RALYL: variants seen among roughly 807,000 people sequenced by gnomAD.
The protein encoded by RALYL is RNA-binding Raly-like protein.
In RALYL, 29 loss-of-function variants were observed where a neutral mutation model predicts 35.1. That is an observed-to-expected ratio of 0.83 (90% CI 0.61 to 1.13). RALYL has a LOEUF of 1.13. Ranked by LOEUF, RALYL falls within the 50% of genes most tolerant of loss-of-function variation. The pLI, the probability that RALYL is intolerant of heterozygous loss-of-function variation, is 0.00. For synonymous variants in RALYL, 120 were observed against 127.6 expected, an observed-to-expected ratio of 0.94 and a Z score of 0.40; for missense variants, 359 against 360.4, an observed-to-expected ratio of 1.00 and a Z score of 0.03.
chr8:84,261,295 T>C (rs2131813878), intron 1 of RALYL, among the ~76,000 whole-genome samples: 1 of 152,130 alleles, frequency 6.6e-6, no homozygotes, highest in East Asian at 1.9e-4. Flanking sequence ...AAAAATCTCA[T>C]CTTTAATTGT....
Position 84,819,974 on chromosome 8 carries a change from A to C in RALYL, c.365+15172A>C, listed in dbSNP as rs181362533. On this transcript the variant is annotated intron_variant, in intron 4 of 8. Transcript: ENST00000521268. ...TTGGTATCATCATATATCATAGGGA[A>C]CCCTGCCCCAAAAAAATTTTGATGA... 5.3e-3 allele frequency among the ~76,000 whole-genome samples: 810 copies of C among 152,198 alleles called. 2 individuals carry two copies. The highest frequency in any genetic ancestry group is 9.9e-3 in the Non-Finnish European group (671 of 67,992).
intron 1 of RALYL, among the ~76,000 whole-genome samples, chr8:84,197,339 C>A (rs1044025471): frequency 9.2e-5 from 14 of 152,176 alleles, no homozygotes; most frequent in African/African-American, 2.7e-4. Context: ...AGACCAGTTT[C>A]TTCTGAGTCT....
chr8:84,646,754 A>G (rs1239344405), intron 2 of RALYL, among the ~76,000 whole-genome samples: 2 of 151,880 alleles, frequency 1.3e-5, no homozygotes, highest in Admixed American at 1.3e-4. Context: ...CCAACTTCAT[A>G]CATCTGACTT....
chr8:84,621,246 C>G (rs1014098696), intron 2 of RALYL, among the ~76,000 whole-genome samples: 3 of 152,130 alleles, frequency 2.0e-5, no homozygotes, highest in Non-Finnish European at 4.4e-5. Context: ...AGGGAGACTC[C>G]GTGGGCGTGG....
intron 1 of RALYL, among the ~76,000 whole-genome samples, chr8:84,515,085 G>A (rs969620792): frequency 6.6e-6 from 1 of 152,100 alleles, no homozygotes; most frequent in African/African-American, 2.4e-5. Flanking sequence ...TGCAATAATT[G>A]TGTTTTTCTG....
chr8:84,499,702 G>C (rs187298379), intron 1 of RALYL, among the ~76,000 whole-genome samples: 1 of 152,032 alleles, frequency 6.6e-6, no homozygotes, highest in Admixed American at 6.6e-5. Context: ...GGCATTTCTT[G>C]GTGGGAATGG....
chr8:84,383,265 A>C (rs1858402446), intron 1 of RALYL, among the ~76,000 whole-genome samples: 1 of 151,818 alleles, frequency 6.6e-6, no homozygotes, highest in African/African-American at 2.4e-5. Flanking sequence ...TACTACTTGA[A>C]TATCAAAGAG....
At chr8:84,258,745 A>G (rs1368009132) in intron 1 of RALYL, among the ~76,000 whole-genome samples, 2 of 152,120 alleles carry the variant, frequency 1.3e-5, no homozygotes, top group East Asian at 3.9e-4. Context: ...GGTGCATATA[A>G]TTCAACGATT....
intron 3 of RALYL, among the ~76,000 whole-genome samples, chr8:84,777,496 A>G (rs1413667486): frequency 6.6e-6 from 1 of 152,210 alleles, no homozygotes; most frequent in Non-Finnish European, 1.5e-5. Flanking sequence ...GTAACATAGT[A>G]GTTGTATAAT....
At chr8:84,487,238 CAATA>C (rs1168047061) in intron 1 of RALYL, among the ~76,000 whole-genome samples, 2 of 151,974 alleles carry the variant, frequency 1.3e-5, no homozygotes, top group African/African-American at 2.4e-5. Flanking sequence ...GAGCTTAGAT[CAATA>C]AATAATTTTT....
rs1283903500 is a variant in RALYL at position 84,352,083 on chromosome 8, G to A, written c.-24+167659G>A. Among the ~76,000 whole-genome samples the A allele has an allele frequency of 8.0e-5, 12 of 150,294 alleles. 1 individual carries two copies. The highest frequency in any genetic ancestry group is 7.9e-4 in the Admixed American group (12 of 15,142). On this transcript the variant is annotated intron_variant, in intron 1 of 8. Transcript: ENST00000521268. ...TTTGACCTTAAAGCAAGTTAAATTTGGAGAGCTGCCCAATTAAGAAATTTT... is the reference window on the plus strand; with the variant it reads ...TTTGACCTTAAAGCAAGTTAAATTTAGAGAGCTGCCCAATTAAGAAATTTT...
chr8:84,246,474 G>T (rs1309853178), intron 1 of RALYL, among the ~76,000 whole-genome samples: 3 of 152,156 alleles, frequency 2.0e-5, no homozygotes, highest in African/African-American at 7.2e-5. Context: ...CTTCCCTGAA[G>T]AAGTGATATT....
intron 1 of RALYL, among the ~76,000 whole-genome samples, chr8:84,243,695 A>C: frequency 6.6e-6 from 1 of 151,956 alleles, no homozygotes; most frequent in Non-Finnish European, 1.5e-5. Flanking sequence ...TTCATGTTTT[A>C]ATTTGCATTG....
At chr8:84,266,954 C>T (rs111278865) in intron 1 of RALYL, among the ~76,000 whole-genome samples, 6,166 of 129,268 alleles carry the variant, frequency 0.048, 206 homozygotes, top group Non-Finnish European at 0.068. Context: ...AGCGAGACTC[C>T]GTCTCAAAAA....
intron 1 of RALYL, among the ~76,000 whole-genome samples, chr8:84,235,830 G>T (rs1388319888): frequency 2.0e-5 from 3 of 146,408 alleles, no homozygotes; most frequent in Non-Finnish European, 4.5e-5. Context: ...GCAGTGGTGC[G>T]ATCTCGGCTC....
chr8:84,850,133 T>TA (rs1835536218), intron 5 of RALYL, 106 bp downstream of exon 5: 1 of 522,476 alleles, frequency 1.9e-6, no homozygotes, highest in Admixed American at 4.1e-5. Flanking sequence ...AAAACAATAT[T>TA]ATTATAGTTA....
At chr8:84,271,632 T>A (rs1296103822) in intron 1 of RALYL, among the ~76,000 whole-genome samples, 4 of 151,834 alleles carry the variant, frequency 2.6e-5, no homozygotes, top group Non-Finnish European at 5.9e-5. Flanking sequence ...ATATGGTGTA[T>A]CCATATGATG....
chr8:84,795,358 G>T (rs914895999), intron 3 of RALYL, among the ~76,000 whole-genome samples: 5 of 152,134 alleles, frequency 3.3e-5, no homozygotes, highest in Non-Finnish European at 7.3e-5. Flanking sequence ...AGCTCTAAGA[G>T]CCTGAGAAAG....
intron 1 of RALYL, among the ~76,000 whole-genome samples, chr8:84,376,560 T>C (rs1177377007): frequency 1.3e-5 from 2 of 151,698 alleles, no homozygotes; most frequent in Admixed American, 6.6e-5. Flanking sequence ...ACATCTCCCA[T>C]TGAGGAAGCA....
Sources: allele counts gnomAD v4.1 joint callset (sites outside exome capture counted in the v4.1 genomes callset), GRCh38; gene constraint gnomAD v4.1.1; transcripts MANE v1.5; gene names NCBI Gene and HGNC (gene_info 2026-07-23, HGNC 2026-07-21).